MGAT4C: variants seen among roughly 807,000 people sequenced by gnomAD.
MGAT4C encodes the protein alpha-1,3-mannosyl-glycoprotein 4-beta-N-acetylglucosaminyltransferase C.
In MGAT4C, 19 loss-of-function variants were observed where a neutral mutation model predicts 40.1. That is an observed-to-expected ratio of 0.47 (90% CI 0.33 to 0.70). The LOEUF (loss-of-function observed/expected upper bound fraction) is 0.70. Ranked by LOEUF, MGAT4C falls within the 30% of genes least tolerant of loss-of-function variation. MGAT4C has a pLI of 0.02. For missense variants in MGAT4C, 491 were observed against 563.2 expected, an observed-to-expected ratio of 0.87 and a Z score of 1.30; for synonymous variants, 181 against 187.1, an observed-to-expected ratio of 0.97 and a Z score of 0.27.
At position 86,785,746 on chromosome 12, in the gene MGAT4C, A is replaced by AT. The variant is rs1166541864; in HGVS notation, c.-262+52919dup. Among the ~76,000 whole-genome samples the AT allele has an allele frequency of 2.0e-5, 3 of 151,490 alleles. No homozygotes were observed. In the East Asian group the frequency reaches 5.8e-4, roughly 29 times the overall value. On this transcript the variant is annotated intron_variant, in intron 1 of 7. Coordinates refer to the MGAT4C transcript ENST00000548651. ...TATAACATTGCTATAGGGTTACACT[A>AT]TTTTTTATATATACTGTATATATGT...
chr12:86,221,200 C>T (rs961916568), intron 1 of MGAT4C, among the ~76,000 whole-genome samples: 7 of 152,124 alleles, frequency 4.6e-5, no homozygotes, highest in Admixed American at 3.3e-4. Flanking sequence ...TCTGTTTACT[C>T]GTGGGGGCTT....
rs112823378 is a variant in MGAT4C, at chr12:86,467,027, G to C, written c.-228-31762C>G. 4.6e-3 allele frequency among the ~76,000 whole-genome samples: 705 copies of C among 152,176 alleles called. 3 individuals carry two copies. The highest frequency in any genetic ancestry group is 0.016 in the African/African-American group (665 of 41,540). On this transcript the variant is annotated intron_variant, in intron 2 of 7. Coordinates refer to the MGAT4C transcript ENST00000548651. ...ATAAAGAAAATGAGGTTTTGCTATA[G>C]TTAATGCATCTCAAGATGGCATATA...
At position 86,700,162 on chromosome 12, in the gene MGAT4C, C is replaced by CAGAT. The variant is rs1473842122; in HGVS notation, c.-229+27046_-229+27047insATCT. On this transcript the variant is annotated intron_variant, in intron 2 of 7. Transcript: ENST00000548651. The stretch of plus-strand genomic sequence containing the variant: ...ATAGACAGACAGACAGACAGACAGA[C>CAGAT]AGACAGACAGACAGACAGATAGATA... 1.6e-3 allele frequency among the ~76,000 whole-genome samples: 66 copies of CAGAT among 41,968 alleles called. 1 individual carries two copies. In the East Asian group the frequency reaches 0.021, roughly 13 times the overall value. 27.5% of individuals were successfully genotyped at this position (41,968 alleles called of 152,430 possible). A position where few individuals can be genotyped will look rare whatever the true frequency, so the allele number is the denominator to read the frequency against.
chr12:86,111,477 A>G (rs1877399694), intron 1 of MGAT4C, among the ~76,000 whole-genome samples: 1 of 151,832 alleles, frequency 6.6e-6, no homozygotes, highest in Non-Finnish European at 1.5e-5. Context: ...TTCATTTCTC[A>G]GTTTTCCAGA....
chr12:86,804,413 T>TAATAAAAA (rs1009939497), intron 1 of MGAT4C, among the ~76,000 whole-genome samples: 1 of 149,144 alleles, frequency 6.7e-6, no homozygotes, highest in Admixed American at 6.7e-5. Context: ...ACTTAAAGTA[T>TAATAAAAA]AATAAAAAAA....
At chr12:86,059,494 T>G (rs2136997022) in intron 1 of MGAT4C, among the ~76,000 whole-genome samples, 1 of 152,322 alleles carries the variant, frequency 6.6e-6, no homozygotes, top group South Asian at 2.1e-4. Flanking sequence ...GTGTTTCCGG[T>G]TTCCTTTCTG....
chr12:86,790,845 C>G (rs1952009502), intron 1 of MGAT4C, among the ~76,000 whole-genome samples: 1 of 152,098 alleles, frequency 6.6e-6, no homozygotes, highest in African/African-American at 2.4e-5. Context: ...AAAATGGAAT[C>G]TAGGGCCTGG....
intron 3 of MGAT4C, among the ~76,000 whole-genome samples, chr12:86,408,473 C>CTATATA (rs1210910694): frequency 1.8e-5 from 2 of 108,132 alleles, no homozygotes; most frequent in African/African-American, 4.1e-5. Context: ...CTCTCTCTCT[C>CTATATA]TCTCTCTATA....
chr12:86,011,121 T>C (rs773374373), intron 2 of MGAT4C, among the ~76,000 whole-genome samples: 1 of 152,138 alleles, frequency 6.6e-6, no homozygotes, highest in Non-Finnish European at 1.5e-5. Flanking sequence ...AAGGGAAATA[T>C]AATACAATGA....
At chr12:86,112,772 G>A (rs1877688772) in intron 1 of MGAT4C, among the ~76,000 whole-genome samples, 1 of 151,758 alleles carries the variant, frequency 6.6e-6, no homozygotes, top group African/African-American at 2.4e-5. Context: ...AACAGAGTGA[G>A]TAAAGGAAGG....
intron 2 of MGAT4C, among the ~76,000 whole-genome samples, chr12:86,023,678 T>C (rs1038796953): frequency 6.6e-6 from 1 of 150,782 alleles, no homozygotes; most frequent in South Asian, 2.1e-4. Context: ...AAGCTTCAAA[T>C]AGAACACATA....
At chr12:86,047,656 T>A (rs948274157) in intron 2 of MGAT4C, among the ~76,000 whole-genome samples, 1 of 152,082 alleles carries the variant, frequency 6.6e-6, no homozygotes, top group African/African-American at 2.4e-5. Context: ...ACAAACCTCA[T>A]GGCGAAAAAG....
chr12:86,658,482 C>T (rs1963900706), intron 2 of MGAT4C, among the ~76,000 whole-genome samples: 1 of 152,030 alleles, frequency 6.6e-6, no homozygotes, highest in Non-Finnish European at 1.5e-5. Context: ...TCATTTTCTT[C>T]ACATGCTTAC....
At chr12:86,436,896 G>A (rs1957147554) in intron 2 of MGAT4C, among the ~76,000 whole-genome samples, 1 of 151,712 alleles carries the variant, frequency 6.6e-6, no homozygotes, top group South Asian at 2.1e-4. Context: ...TGTTAAAAAT[G>A]TTTAAAATTT....
chr12:86,160,251 A>G (rs1194725029), intron 1 of MGAT4C, among the ~76,000 whole-genome samples: 1 of 151,924 alleles, frequency 6.6e-6, no homozygotes, highest in Non-Finnish European at 1.5e-5. Flanking sequence ...GTTTTCATAT[A>G]TTTCAAAGAC....
intron 2 of MGAT4C, among the ~76,000 whole-genome samples, chr12:86,656,515 G>A (rs1046472395): frequency 1.3e-5 from 2 of 152,018 alleles, no homozygotes; most frequent in South Asian, 4.1e-4. Context: ...CTCAGAAAAT[G>A]TATTAAAACA....
intron 2 of MGAT4C, among the ~76,000 whole-genome samples, chr12:86,549,265 T>A (rs1565842040): frequency 6.6e-6 from 1 of 152,038 alleles, no homozygotes; most frequent in Non-Finnish European, 1.5e-5. Context: ...TTGTATATAA[T>A]TTTTAAATAA....
intron 2 of MGAT4C, among the ~76,000 whole-genome samples, chr12:86,660,240 G>A (rs969026099): frequency 6.6e-6 from 1 of 152,094 alleles, no homozygotes; most frequent in Non-Finnish European, 1.5e-5. Context: ...GACGGGATTT[G>A]ATAACAGATT....
In MGAT4C at chr12:86,024,447, C is replaced by T. The variant is rs1890067666; in HGVS notation, c.-7+25227G>A. 2.0e-5 allele frequency among the ~76,000 whole-genome samples: 3 copies of T among 151,772 alleles called. No homozygotes were observed. In the South Asian group the frequency reaches 6.2e-4, roughly 31 times the overall value. ...TAGTTCTAAAGTTAAAAATTGTCTT[C>T]TAAGCCTAACAGGGTTTTGTTTCTT... On this transcript the variant is annotated intron_variant, in intron 2 of 4. Transcript: ENST00000611864.
Sources: gnomAD v4.1 joint callset for allele counts (sites outside exome capture counted in the v4.1 genomes callset) on GRCh38, gnomAD v4.1.1 for gene constraint, MANE v1.5 for transcripts, NCBI Gene and HGNC (gene_info 2026-07-23, HGNC 2026-07-21) for gene names.